Variants in TMC7 observed in about 807,000 individuals in gnomAD.
TMC7 encodes transmembrane channel like 7.
A neutral mutation model predicts 82.9 loss-of-function variants in TMC7; 54 were observed. That is an observed-to-expected ratio of 0.65 (90% CI 0.52 to 0.82). The LOEUF (loss-of-function observed/expected upper bound fraction) is 0.82, where lower values mean the gene tolerates loss of function less well. Ranked by LOEUF, TMC7 falls within the 40% of genes least tolerant of loss-of-function variation. The pLI, the probability that TMC7 is intolerant of heterozygous loss-of-function variation, is 0.00. For synonymous variants in TMC7, 350 were observed against 337.9 expected (o/e 1.04, Z -0.39); for missense variants, 820 against 901.2 (o/e 0.91, Z 1.15).
chr16:19,054,815 G>C (rs149963919), intron 13 of TMC7, among the ~76,000 whole-genome samples: 2,533 of 143,782 alleles, frequency 0.018, 71 homozygotes, highest in African/African-American at 0.061. Flanking sequence ...CACCATCTTG[G>C]CTCATTGCAA....
intron 6 of TMC7, among the ~76,000 whole-genome samples, chr16:19,034,622 A>G (rs1960662869): frequency 6.6e-6 from 1 of 151,692 alleles, no homozygotes; most frequent in South Asian, 2.1e-4. Context: ...AAGTAAATAA[A>G]TAAATAAATA....
intron 1 of TMC7, among the ~76,000 whole-genome samples, chr16:18,995,439 T>C (rs1005384758): frequency 1.3e-5 from 2 of 152,172 alleles, no homozygotes; most frequent in Non-Finnish European, 2.9e-5. Context: ...TCAGCGAGCC[T>C]TGGGCCAGAG....
chr16:19,019,119 G>A (rs1959846479), intron 3 of TMC7, among the ~76,000 whole-genome samples: 1 of 152,188 alleles, frequency 6.6e-6, no homozygotes, highest in African/African-American at 2.4e-5. Context: ...CAAAATGCTG[G>A]GATTACAGGC....
intron 13 of TMC7, among the ~76,000 whole-genome samples, chr16:19,056,285 C>T (rs1961766082): frequency 1.3e-5 from 2 of 151,930 alleles, no homozygotes; most frequent in Non-Finnish European, 2.9e-5. Flanking sequence ...GGGGTTTCAC[C>T]ACGTTGGTCA....
chr16:19,055,968 T>A (rs1961750407), intron 13 of TMC7, among the ~76,000 whole-genome samples: 1 of 152,196 alleles, frequency 6.6e-6, no homozygotes, highest in Non-Finnish European at 1.5e-5. Context: ...CATTTTGGAT[T>A]TGTCTTGTTA....
intron 13 of TMC7, among the ~76,000 whole-genome samples, chr16:19,053,931 C>A (rs1235612440): frequency 6.6e-6 from 1 of 151,506 alleles, no homozygotes; most frequent in Non-Finnish European, 1.5e-5. Context: ...GATCCTCCCA[C>A]CTCCACCTCT....
chr16:19,009,085 G>A (rs191290790), intron 1 of TMC7, 87 bp from the exon 2 acceptor site: 2 of 1,473,208 alleles, frequency 1.4e-6, no homozygotes, highest in East Asian at 2.3e-5. Context: ...TATCTGCAAG[G>A]TTCAGTGATG....
At chr16:19,042,417 C>T (rs1254814381) in intron 9 of TMC7, among the ~76,000 whole-genome samples, 15 of 152,128 alleles carry the variant, frequency 9.9e-5, no homozygotes, top group Non-Finnish European at 1.9e-4. Flanking sequence ...TCAAGCAATT[C>T]TCCCACCTCA....
At chr16:19,004,655 G>A (rs2142157504) in intron 1 of TMC7, among the ~76,000 whole-genome samples, 1 of 152,132 alleles carries the variant, frequency 6.6e-6, no homozygotes, top group South Asian at 2.1e-4. Context: ...GTGAGCCACC[G>A]TGCCCAGCTT....
chr16:19,052,544 G>A (rs1961586073), intron 13 of TMC7, among the ~76,000 whole-genome samples: 1 of 152,082 alleles, frequency 6.6e-6, no homozygotes, highest in Non-Finnish European at 1.5e-5. Flanking sequence ...TGGGTGCGGT[G>A]GCTCACACCT....
chr16:19,044,383 G>T (rs1961163969), intron 9 of TMC7, among the ~76,000 whole-genome samples: 1 of 151,744 alleles, frequency 6.6e-6, no homozygotes, highest in African/African-American at 2.4e-5. Context: ...CCAGGGGGTG[G>T]TGGTCTTACT....
chr16:19,047,006 A>G (rs1192718390), intron 11 of TMC7, 57 bp from the exon 12 acceptor site: 3 of 1,440,972 alleles, frequency 2.1e-6, no homozygotes, highest in Non-Finnish European at 2.8e-6. Flanking sequence ...TCTTTGTGAT[A>G]TGGTTCTGTG....
At chr16:19,037,774 G>A in intron 7 of TMC7, 100 bp from the exon 8 acceptor site, 1 of 1,316,830 alleles carries the variant, frequency 7.6e-7, no homozygotes. Context: ...TGCCTGGCTA[G>A]AACTCTTAAA....
chr16:19,037,818 A>G, intron 7 of TMC7, 56 bp from the exon 8 acceptor site: 5 of 1,521,528 alleles, frequency 3.3e-6, no homozygotes, highest in Middle Eastern at 1.7e-4. Flanking sequence ...ATCAATTTCT[A>G]TCCCTGAGTA....
intron 7 of TMC7, among the ~76,000 whole-genome samples, chr16:19,037,620 T>A (rs28580043): frequency 0.017 from 2,620 of 151,794 alleles, 73 homozygotes; most frequent in African/African-American, 0.06. Context: ...CAGGCACTCA[T>A]CACCACACCC....
At chr16:18,985,736 T>G (rs1479883261) in intron 1 of TMC7, among the ~76,000 whole-genome samples, 3 of 148,530 alleles carry the variant, frequency 2.0e-5, no homozygotes, top group Non-Finnish European at 4.5e-5. Flanking sequence ...CCCACCAACA[T>G]TGGTGGGAGG....
chr16:19,047,199 C>T lies in TMC7; in HGVS notation c.1690C>T (p.Leu564Phe). 1 of 1,613,978 alleles carries T rather than the reference C, an allele frequency of 6.2e-7. No homozygotes were observed. Among genetic ancestry groups the T allele is most frequent in the Non-Finnish European group, 8.5e-7 (1 of 1,180,018 alleles). The change falls in exon 12 of 16, where the codon CTC (leucine) becomes TTC (phenylalanine). Residue 564 changes from leucine (L) to phenylalanine (F), a missense_variant. By Grantham distance (22) the Leu-to-Phe change is conservative. This residue lies in a region of TMC7 where 170 missense variants were observed against 231.3 expected (regional missense o/e 0.74). Coordinates refer to ENST00000304381, the MANE Select transcript of TMC7 (RefSeq NM_024847.4). Reference sequence around the variant, plus strand: ...GATCGGAGCCTTTTTCTCACCCCTTCTCCCTGCAATTGCAACCCTGAAATT... The same window carrying T: ...GATCGGAGCCTTTTTCTCACCCCTTTTCCCTGCAATTGCAACCCTGAAATT... ...CWIGAFFSPL[L>F]PAIATLKFII...
At position 18,984,105 on chromosome 16, in the gene TMC7, C is replaced by T; in HGVS notation, c.42C>T (p.Pro14=). 2.0e-6 allele frequency: 3 copies of T among 1,503,288 alleles called. No individual in the cohort carries two copies. Among genetic ancestry groups the T allele is most frequent in the Non-Finnish European group, 2.6e-6 (3 of 1,134,060 alleles). The allele number at this position is 1,503,288 out of a possible 1,614,324, so 93.1% of individuals were successfully genotyped here. A position where few individuals can be genotyped will look rare whatever the true frequency, so the allele number is the denominator to read the frequency against. The change falls in exon 1 of 16, where the codon CCC becomes CCT. Residue 14 remains proline, a synonymous_variant. Coordinates refer to ENST00000304381, the MANE Select transcript of TMC7 (RefSeq NM_024847.4). ...GCAGTGCGCTCCAGCCCGGCAGGCC[C>T]AGCCGGCAGCCGGCGGTCCATCCAG... ...SSGSALQPGR[P]SRQPAVHPEN...
chr16:19,019,738 G>T (rs935942738), intron 3 of TMC7, among the ~76,000 whole-genome samples: 1 of 152,102 alleles, frequency 6.6e-6, no homozygotes, highest in Non-Finnish European at 1.5e-5. Context: ...TTCAGAAAGT[G>T]GCTTGTGTGG....
Sources: allele counts gnomAD v4.1 joint callset (sites outside exome capture counted in the v4.1 genomes callset), GRCh38; gene constraint gnomAD v4.1.1; regional missense constraint gnomAD v4.1.1; transcripts MANE v1.5; gene names NCBI Gene and HGNC (gene_info 2026-07-23, HGNC 2026-07-21).